The following ALK variants were observed in gnomAD, a reference collection of about 807,000 sequenced individuals.
ALK encodes the protein ALK receptor tyrosine kinase, also known as ALK tyrosine kinase receptor.
A neutral mutation model predicts 163.1 loss-of-function variants in ALK; 74 were observed. The observed-to-expected ratio is 0.45, with a 90% CI of 0.38 to 0.55. The LOEUF is 0.55. Among genes scored for constraint, ALK ranks in the 20% least tolerant of loss-of-function variants. The pLI, the probability that ALK is intolerant of heterozygous loss-of-function variation, is 0.00. For missense variants in ALK, 2,063 were observed against 2,105.3 expected (o/e 0.98, Z 0.39); for synonymous variants, 960 against 843.2 (o/e 1.14, Z -2.40).
At chr2:29,224,601 C>T (rs1663886274) in intron 19 of ALK, 1 of 228,588 alleles carries the variant, frequency 4.4e-6, no homozygotes, top group South Asian at 1.8e-4. Context: ...ACACATGGGC[C>T]AGGGCAAATG....
At chr2:29,731,642 C>G (rs1271266085) in intron 1 of ALK, among the ~76,000 whole-genome samples, 1 of 152,188 alleles carries the variant, frequency 6.6e-6, no homozygotes, top group Non-Finnish European at 1.5e-5. Context: ...ACTCAGGCAG[C>G]ACTTACACAA....
intron 4 of ALK, among the ~76,000 whole-genome samples, chr2:29,402,015 C>G (rs1042791270): frequency 6.6e-6 from 1 of 152,194 alleles, no homozygotes; most frequent in African/African-American, 2.4e-5. Flanking sequence ...GAGGGCCGGG[C>G]TGGTGGGAAC....
At chr2:29,526,960 C>A (rs1353147114) in intron 4 of ALK, among the ~76,000 whole-genome samples, 1 of 152,140 alleles carries the variant, frequency 6.6e-6, no homozygotes, top group East Asian at 1.9e-4. Context: ...TATCAGTGGG[C>A]CAGTAGGGAG....
chr2:29,295,019 C>T (rs969405271), intron 9 of ALK, among the ~76,000 whole-genome samples: 2 of 152,198 alleles, frequency 1.3e-5, no homozygotes, highest in African/African-American at 4.8e-5. Context: ...CAGCTTCCAA[C>T]CTCAGAGCAT....
At chr2:29,476,796 C>T (rs765827370) in intron 4 of ALK, among the ~76,000 whole-genome samples, 1 of 152,108 alleles carries the variant, frequency 6.6e-6, no homozygotes, top group Non-Finnish European at 1.5e-5. Context: ...GTGGAGAGTT[C>T]GATTCCATCC....
intron 1 of ALK, among the ~76,000 whole-genome samples, chr2:29,743,107 T>C (rs916429102): frequency 6.6e-6 from 1 of 152,232 alleles, no homozygotes; most frequent in African/African-American, 2.4e-5. Context: ...ATTTACTTTT[T>C]CTGATGTTGA....
chr2:29,506,532 G>C (rs1672328933), intron 4 of ALK, among the ~76,000 whole-genome samples: 1 of 152,126 alleles, frequency 6.6e-6, no homozygotes, highest in African/African-American at 2.4e-5. Flanking sequence ...GGATCATGAG[G>C]TCGGGAGATT....
At chr2:29,545,632 C>T (rs1673533135) in intron 3 of ALK, among the ~76,000 whole-genome samples, 1 of 152,182 alleles carries the variant, frequency 6.6e-6, no homozygotes, top group African/African-American at 2.4e-5. Flanking sequence ...AGTCCCTGTG[C>T]ACTTTTACTG....
chr2:29,691,108 C>T (rs1467273314), intron 3 of ALK, among the ~76,000 whole-genome samples: 1 of 152,178 alleles, frequency 6.6e-6, no homozygotes, highest in East Asian at 1.9e-4. Flanking sequence ...TAGGCTGCTT[C>T]ATGAGGAACA....
chr2:29,910,525 G>A (rs1472877741), intron 1 of ALK, among the ~76,000 whole-genome samples: 1 of 151,970 alleles, frequency 6.6e-6, no homozygotes, highest in Non-Finnish European at 1.5e-5. Context: ...AAAACACAAA[G>A]CAAATTACAT....
At chr2:29,278,540 G>A (rs529840719) in intron 9 of ALK, among the ~76,000 whole-genome samples, 5 of 152,306 alleles carry the variant, frequency 3.3e-5, no homozygotes, top group South Asian at 2.1e-4. Context: ...CACGATTTCC[G>A]TGGGGTCTCC....
At chr2:29,495,498 C>T (rs1047716870) in intron 4 of ALK, among the ~76,000 whole-genome samples, 5 of 152,158 alleles carry the variant, frequency 3.3e-5, no homozygotes, top group Non-Finnish European at 7.3e-5. Flanking sequence ...TGGTTACTAG[C>T]CCTGGCATAC....
At chr2:29,479,824 C>G (rs1316612196) in intron 4 of ALK, among the ~76,000 whole-genome samples, 1 of 152,162 alleles carries the variant, frequency 6.6e-6, no homozygotes, top group Non-Finnish European at 1.5e-5. Context: ...TTAGGAAGAT[C>G]TGGAAGATAA....
intron 8 of ALK, among the ~76,000 whole-genome samples, chr2:29,304,366 G>A (rs997657149): frequency 8.6e-5 from 13 of 152,002 alleles, no homozygotes; most frequent in African/African-American, 2.9e-4. Context: ...TGTGGTGGCA[G>A]GTGCCTGTAG....
chr2:29,642,090 T>C (rs144367694), intron 3 of ALK, among the ~76,000 whole-genome samples: 81 of 152,300 alleles, frequency 5.3e-4, no homozygotes, highest in African/African-American at 1.9e-3. Context: ...AGGACACTGC[T>C]TTGCAGTGTG....
In ALK at chr2:29,588,681, C is replaced by A. The variant is rs575533266; in HGVS notation, c.953-56565G>T. Among the ~76,000 whole-genome samples, 49 of 152,302 alleles carry A rather than the reference C, an allele frequency of 3.2e-4. No individual in the cohort carries two copies. In the South Asian group the frequency reaches 9.7e-3, roughly 30 times the overall value. On this transcript the variant is annotated intron_variant, in intron 3 of 28. Coordinates refer to ENST00000389048, the MANE Select transcript of ALK (RefSeq NM_004304.5). ...GTGAGACAGACAGGCTTTGTTGCAA[C>A]TACTTAACTTTGCCATTGTGGAGAA... is the stretch of plus-strand genomic sequence containing the variant.
At chr2:29,320,445 CAT>C (rs1462880692) in intron 7 of ALK, among the ~76,000 whole-genome samples, 3 of 152,226 alleles carry the variant, frequency 2.0e-5, no homozygotes, top group African/African-American at 7.2e-5. Context: ...GTGCCTGACA[CAT>C]AGGACGCCCT....
chr2:29,458,404 G>C (rs772688474), intron 4 of ALK, among the ~76,000 whole-genome samples: 1 of 152,078 alleles, frequency 6.6e-6, no homozygotes, highest in Non-Finnish European at 1.5e-5. Context: ...TCCATTAAGC[G>C]TTTATAGTAA....
chr2:29,640,269 G>T (rs904074172), intron 3 of ALK, among the ~76,000 whole-genome samples: 1 of 152,114 alleles, frequency 6.6e-6, no homozygotes, highest in Non-Finnish European at 1.5e-5. Flanking sequence ...AACAGTAATC[G>T]CCAATGTTGG....
Sources: gnomAD v4.1 joint callset for allele counts (sites outside exome capture counted in the v4.1 genomes callset) on GRCh38, gnomAD v4.1.1 for gene constraint, MANE v1.5 for transcripts, NCBI Gene and HGNC (gene_info 2026-07-23, HGNC 2026-07-21) for gene names.